MYO1D: variants seen among roughly 807,000 people sequenced by gnomAD.
MYO1D encodes unconventional myosin-Id.
In MYO1D, 83 loss-of-function variants were observed where a neutral mutation model predicts 122.0. The observed-to-expected ratio is 0.68, with a 90% CI of 0.57 to 0.82. MYO1D has a LOEUF of 0.82. MYO1D is among the 40% of genes least tolerant of loss of function. The probability of loss-of-function intolerance (pLI) is 0.00; values close to 1 mark genes in which losing one functional copy is unlikely to be tolerated. For synonymous variants in MYO1D, 464 were observed against 446.9 expected, an observed-to-expected ratio of 1.04 and a Z score of -0.48; for missense variants, 1,157 against 1,269.5, an observed-to-expected ratio of 0.91 and a Z score of 1.35.
chr17:32,561,704 AAAAG>A (rs1567890794), intron 21 of MYO1D, among the ~76,000 whole-genome samples: 1 of 82,994 alleles, frequency 1.2e-5, no homozygotes, highest in African/African-American at 7.2e-5. Flanking sequence ...AAAAAAAAAA[AAAAG>A]AAAACTTGGA....
At chr17:32,662,800 A>G (rs2088585104) in intron 16 of MYO1D, among the ~76,000 whole-genome samples, 1 of 152,210 alleles carries the variant, frequency 6.6e-6, no homozygotes, top group South Asian at 2.1e-4. Context: ...GAGTTAATAC[A>G]TACGCAACAC....
chr17:32,509,675 G>A (rs761094515), intron 21 of MYO1D, among the ~76,000 whole-genome samples: 10 of 151,712 alleles, frequency 6.6e-5, no homozygotes, highest in Non-Finnish European at 8.8e-5. Context: ...TGCAACCTCC[G>A]CCTCCCAGGT....
chr17:32,497,813 G>A (rs534800693), intron 21 of MYO1D: 1 of 152,418 alleles, frequency 6.6e-6, no homozygotes, highest in Admixed American at 6.5e-5. Context: ...GAAGGCAGAA[G>A]TTGGACACTG....
chr17:32,617,228 T>C (rs2087782918), intron 20 of MYO1D, among the ~76,000 whole-genome samples: 1 of 152,044 alleles, frequency 6.6e-6, no homozygotes, highest in South Asian at 2.1e-4. Context: ...GAGGCCACCA[T>C]GTTGTGAGGA....
intron 12 of MYO1D, 121 bp from the exon 13 acceptor site, chr17:32,745,406 A>G: frequency 1.6e-6 from 1 of 634,682 alleles, no homozygotes; most frequent in Non-Finnish European, 2.8e-6. Flanking sequence ...CTAAAAGCTG[A>G]TATTGTTCAT....
intron 1 of MYO1D, among the ~76,000 whole-genome samples, chr17:32,876,456 T>G (rs2091231559): frequency 6.6e-6 from 1 of 152,144 alleles, no homozygotes; most frequent in East Asian, 1.9e-4. Context: ...ATCCCTCACC[T>G]GGCGCGGGGA....
At chr17:32,578,711 G>A (rs1385315190) in intron 21 of MYO1D, among the ~76,000 whole-genome samples, 2 of 152,212 alleles carry the variant, frequency 1.3e-5, no homozygotes, top group African/African-American at 2.4e-5. Context: ...CAAAGGGACT[G>A]CTCTAGGGCT....
chr17:32,563,187 A>G (rs567297466), intron 21 of MYO1D, among the ~76,000 whole-genome samples: 2 of 145,556 alleles, frequency 1.4e-5, no homozygotes, highest in African/African-American at 5.0e-5. Context: ...TTGCAATTAC[A>G]GCTCTTTTTT....
chr17:32,502,987 G>A lies in MYO1D; in HGVS notation c.2865-8072C>T, dbSNP rs369347263. Among the ~76,000 whole-genome samples, 115 of 152,250 alleles carry A rather than the reference G, an allele frequency of 7.6e-4. 1 individual carries two copies. The East Asian group carries it at 0.013, about 17-fold the overall frequency. ...TAATGGCCAGCAAACTGTGGAATTC[G>A]GGGACTTTCATCTCGTTTCATCTGT... On this transcript the variant is annotated intron_variant, in intron 21 of 21. Coordinates refer to ENST00000318217, the MANE Select transcript of MYO1D (RefSeq NM_015194.3).
At chr17:32,804,388 T>C (rs901323291) in intron 1 of MYO1D, among the ~76,000 whole-genome samples, 2 of 152,202 alleles carry the variant, frequency 1.3e-5, no homozygotes, top group African/African-American at 4.8e-5. Context: ...TGACTAGGGT[T>C]TACTTTGGAG....
chr17:32,867,018 C>A (rs8064904), intron 1 of MYO1D, among the ~76,000 whole-genome samples: 9 of 152,156 alleles, frequency 5.9e-5, no homozygotes, highest in African/African-American at 2.2e-4. Flanking sequence ...GTCATCAGTT[C>A]TCTTTTCTAA....
intron 1 of MYO1D, among the ~76,000 whole-genome samples, chr17:32,786,164 A>T (rs547098655): frequency 5.9e-5 from 9 of 152,334 alleles, no homozygotes; most frequent in African/African-American, 1.9e-4. Flanking sequence ...TCAGGGTCTC[A>T]GTATGCAGGT....
intron 20 of MYO1D, among the ~76,000 whole-genome samples, chr17:32,609,782 G>A (rs2087676181): frequency 6.6e-6 from 1 of 152,116 alleles, no homozygotes; most frequent in Non-Finnish European, 1.5e-5. Context: ...TGGAGAGAAG[G>A]GAAAATATTA....
At chr17:32,521,600 G>C (rs1302740560) in intron 21 of MYO1D, among the ~76,000 whole-genome samples, 1 of 152,150 alleles carries the variant, frequency 6.6e-6, no homozygotes, top group African/African-American at 2.4e-5. Flanking sequence ...GCTGAGATGT[G>C]GGTGGTGAGT....
In MYO1D at chr17:32,642,651, G is replaced by T. The variant is rs182353630; in HGVS notation, c.2596-3816C>A. 4.2e-3 allele frequency among the ~76,000 whole-genome samples: 635 copies of T among 152,264 alleles called. 5 individuals are homozygous for T. The highest frequency in any genetic ancestry group is 0.012 in the African/African-American group (486 of 41,554). ...CTTGAAGAGGTCCTTCACAACCCTT[G>T]TAAGTTGGATTCCTAGGTATTTTAT... On this transcript the variant is annotated intron_variant, in intron 19 of 21. Transcript: ENST00000318217.
At chr17:32,819,537 T>C (rs1000994325) in intron 1 of MYO1D, among the ~76,000 whole-genome samples, 1 of 152,202 alleles carries the variant, frequency 6.6e-6, no homozygotes, top group African/African-American at 2.4e-5. Flanking sequence ...TTGATTTTAT[T>C]GTTTATATAT....
chr17:32,853,429 C>A (rs896145331), intron 1 of MYO1D, among the ~76,000 whole-genome samples: 1 of 152,134 alleles, frequency 6.6e-6, no homozygotes, highest in Non-Finnish European at 1.5e-5. Context: ...TATTCTATGG[C>A]CAACTTGCCA....
chr17:32,765,335 G>A (rs186298556), intron 7 of MYO1D, among the ~76,000 whole-genome samples: 1 of 152,170 alleles, frequency 6.6e-6, no homozygotes, highest in East Asian at 1.9e-4. Context: ...TGAATCTTTT[G>A]CCTTAGGGTC....
At chr17:32,742,773 C>T (rs1024927149) in intron 13 of MYO1D, among the ~76,000 whole-genome samples, 1 of 152,204 alleles carries the variant, frequency 6.6e-6, no homozygotes, top group African/African-American at 2.4e-5. Context: ...ATAGTGCCAT[C>T]ATTAATCTTG....
Sources: allele counts gnomAD v4.1 joint callset (sites outside exome capture counted in the v4.1 genomes callset), GRCh38; gene constraint gnomAD v4.1.1; transcripts MANE v1.5; gene names NCBI Gene and HGNC (gene_info 2026-07-23, HGNC 2026-07-21).